CTXN2: variants seen among roughly 807,000 people sequenced by gnomAD.
CTXN2 encodes the protein cortexin-2.
Under a neutral mutation model 5.7 loss-of-function variants are expected in CTXN2, and 3 were observed. That is an observed-to-expected ratio of 0.53 (90% CI 0.24 to 1.36). The LOEUF (loss-of-function observed/expected upper bound fraction) is 1.36. Among genes scored for constraint, CTXN2 ranks in the 40% most tolerant of loss-of-function variants. The probability of loss-of-function intolerance (pLI) is 0.17; values close to 1 mark genes in which losing one functional copy is unlikely to be tolerated. For missense variants in CTXN2, 87 were observed against 93.0 expected, an observed-to-expected ratio of 0.94 and a Z score of 0.26; for synonymous variants, 38 against 36.4, an observed-to-expected ratio of 1.04 and a Z score of -0.16.
upstream of CTXN2, chr15:48,189,336 G>T (rs1171741051): frequency 6.6e-6 from 1 of 152,180 alleles, no homozygotes; most frequent in Non-Finnish European, 1.5e-5. Context: ...GTGAGAATTA[G>T]AACTGTAATA....
intron 1 of CTXN2, among the ~76,000 whole-genome samples, chr15:48,183,121 G>A (rs1003439479): frequency 3.3e-5 from 5 of 152,180 alleles, no homozygotes; most frequent in African/African-American, 1.2e-4. Context: ...TCTCATAGGA[G>A]ACAGAACTTA....
chr15:48,182,736 T>C (rs1212256163), intron 1 of CTXN2, among the ~76,000 whole-genome samples: 1 of 152,224 alleles, frequency 6.6e-6, no homozygotes, highest in Non-Finnish European at 1.5e-5. Flanking sequence ...AGTCAAACAC[T>C]ATAGATGTTT....
At chr15:48,183,406 T>G (rs1044441637) in intron 1 of CTXN2, among the ~76,000 whole-genome samples, 3 of 152,200 alleles carry the variant, frequency 2.0e-5, no homozygotes, top group African/African-American at 7.2e-5. Flanking sequence ...AAAATGAAAC[T>G]TTAACTTTTA....
intron 1 of CTXN2, among the ~76,000 whole-genome samples, chr15:48,185,618 T>A (rs889242561): frequency 2.0e-5 from 3 of 152,182 alleles, no homozygotes; most frequent in African/African-American, 4.8e-5. Context: ...CGACATATAT[T>A]TCAATACATT....
chr15:48,185,937 TC>T (rs1297804018), intron 1 of CTXN2, among the ~76,000 whole-genome samples: 1 of 152,208 alleles, frequency 6.6e-6, no homozygotes, highest in African/African-American at 2.4e-5. Flanking sequence ...ACAATTGATT[TC>T]CACATTTCAT....
chr15:48,195,163 T>A (rs890781462), intron 1 of CTXN2, among the ~76,000 whole-genome samples: 5 of 152,186 alleles, frequency 3.3e-5, no homozygotes, highest in Admixed American at 2.6e-4. Context: ...TTATTTTCTT[T>A]GTTTTGATTA....
At chr15:48,183,451 A>C (rs2040718633) in intron 1 of CTXN2, among the ~76,000 whole-genome samples, 2 of 152,216 alleles carry the variant, frequency 1.3e-5, no homozygotes, top group Admixed American at 1.3e-4. Context: ...GTTTTCAGAC[A>C]ACAGATTGGT....
chr15:48,202,661 A>C lies in CTXN2; in HGVS notation c.*1115A>C, dbSNP rs2040937979. 1 of 167,018 alleles carries C rather than the reference A, an allele frequency of 6.0e-6. No individual in the cohort carries two copies. The highest frequency in any genetic ancestry group is 1.5e-5 in the Non-Finnish European group (1 of 68,100). The allele number at this position is 167,018 out of a possible 1,614,324, so 10.3% of individuals were successfully genotyped here. On this transcript the variant is annotated 3_prime_UTR_variant, in exon 2 of 2. Transcript: ENST00000417307. The stretch of plus-strand genomic sequence containing the variant: ...ATGTGAAAGCATTTTGTAAACCATA[A>C]AACAGTATCTAAACATACCTTGCTA...
chr15:48,188,640 T>C (rs2040782799), upstream of CTXN2, among the ~76,000 whole-genome samples: 1 of 152,214 alleles, frequency 6.6e-6, no homozygotes, highest in Non-Finnish European at 1.5e-5. Context: ...AAGGCAATTC[T>C]GCTTGAGGAA....
At chr15:48,200,612 C>A (rs1207957406) in intron 1 of CTXN2, among the ~76,000 whole-genome samples, 3 of 152,156 alleles carry the variant, frequency 2.0e-5, no homozygotes, top group Non-Finnish European at 4.4e-5. Flanking sequence ...TACTTGCAAG[C>A]TGCTCTGTTG....
chr15:48,195,733 T>C (rs962674532), intron 1 of CTXN2, among the ~76,000 whole-genome samples: 1 of 152,204 alleles, frequency 6.6e-6, no homozygotes. Context: ...TTTATCCTTT[T>C]TGGATCTTCT....
chr15:48,189,571 G>C (rs1567291710), upstream of CTXN2: 1 of 151,978 alleles, frequency 6.6e-6, no homozygotes, highest in Admixed American at 6.6e-5. Flanking sequence ...CTATACCACT[G>C]GTCCAGACAA....
At position 48,191,716 on chromosome 15, in the gene CTXN2, C is replaced by T. The variant is rs1485332285; in HGVS notation, c.-195C>T. 2 of 456,046 alleles carry T rather than the reference C, an allele frequency of 4.4e-6. No homozygotes were observed. The highest frequency in any genetic ancestry group is 1.5e-5 in the South Asian group (1 of 64,550). 28.2% of individuals were successfully genotyped at this position (456,046 alleles called of 1,614,324 possible). A position where few individuals can be genotyped will look rare whatever the true frequency, so the allele number is the denominator to read the frequency against. On this transcript the variant is annotated 5_prime_UTR_variant, in exon 1 of 2. Coordinates refer to ENST00000417307, the MANE Select transcript of CTXN2 (RefSeq NM_001145668.2). ...CACTTCTAGGCCAGGAAAGCGCTAA[C>T]CAGGGCCCTGTGACTCTACGCAGGT...
chr15:48,185,784 A>T (rs1180777598), intron 1 of CTXN2, among the ~76,000 whole-genome samples: 2 of 152,172 alleles, frequency 1.3e-5, no homozygotes, highest in Admixed American at 1.3e-4. Context: ...AGCCAAGAGG[A>T]AAAAGGAGGA....
chr15:48,203,697 T>C lies in CTXN2; in HGVS notation c.*2151T>C, dbSNP rs1451853969. ...GTTCAACTCCCATAAGCTTTTCAAG[T>C]ATATTAACTCTACCATAATATTATT... On this transcript the variant is annotated 3_prime_UTR_variant, in exon 2 of 2. Coordinates refer to ENST00000417307, the MANE Select transcript of CTXN2 (RefSeq NM_001145668.2). The C allele has an allele frequency of 1.2e-5, 2 of 167,002 alleles. No homozygotes were observed. Among genetic ancestry groups the C allele is most frequent in the African/African-American group, 4.8e-5 (2 of 41,434 alleles). 10.3% of individuals were successfully genotyped at this position (167,002 alleles called of 1,614,324 possible).
intron 1 of CTXN2, among the ~76,000 whole-genome samples, chr15:48,184,275 A>G (rs2040727295): frequency 6.6e-6 from 1 of 152,180 alleles, no homozygotes; most frequent in South Asian, 2.1e-4. Flanking sequence ...TTTGCTTAAT[A>G]TATGAGAGGT....
chr15:48,184,506 A>AGAACTTATATC (rs2040729606), intron 1 of CTXN2, among the ~76,000 whole-genome samples: 1 of 152,232 alleles, frequency 6.6e-6, no homozygotes, highest in Admixed American at 6.5e-5. Flanking sequence ...ATATCCAAAA[A>AGAACTTATATC]CAAAGAAGAT....
upstream of CTXN2, among the ~76,000 whole-genome samples, chr15:48,190,701 G>T (rs1423033214): frequency 6.6e-6 from 1 of 152,136 alleles, no homozygotes; most frequent in East Asian, 1.9e-4. Flanking sequence ...AAGATTGTAG[G>T]GAATCTAAAA....
intron 1 of CTXN2, among the ~76,000 whole-genome samples, chr15:48,193,813 T>C (rs1157099644): frequency 6.6e-5 from 10 of 152,158 alleles, no homozygotes; most frequent in African/African-American, 2.4e-4. Context: ...CTTGGCACAC[T>C]TAACAGTATA....
Sources: allele counts gnomAD v4.1 joint callset (sites outside exome capture counted in the v4.1 genomes callset), GRCh38; gene constraint gnomAD v4.1.1; transcripts MANE v1.5; gene names NCBI Gene and HGNC (gene_info 2026-07-23, HGNC 2026-07-21).